AGPAT3: variants seen among roughly 807,000 people sequenced by gnomAD.
AGPAT3 encodes 1-acyl-sn-glycerol-3-phosphate acyltransferase gamma.
In AGPAT3, 5 loss-of-function variants were observed where a neutral mutation model predicts 47.3. The ratio of observed to expected loss-of-function variants is 0.11; its 90% CI spans 0.06 to 0.22. The LOEUF (loss-of-function observed/expected upper bound fraction) is 0.22. Ranked by LOEUF, AGPAT3 falls within the 10% of genes least tolerant of loss-of-function variation. The pLI, the probability that AGPAT3 is intolerant of heterozygous loss-of-function variation, is 1.00. For synonymous variants in AGPAT3, 212 were observed against 208.3 expected (o/e 1.02, Z -0.15); for missense variants, 315 against 493.0 (o/e 0.64, Z 3.42).
At position 43,981,082 on chromosome 21, in the gene AGPAT3, T is replaced by G. The variant is rs1443775906; in HGVS notation, c.937T>G (p.Ser313Ala). 2.5e-6 allele frequency: 4 copies of G among 1,614,218 alleles called. No individual in the cohort carries two copies. In the East Asian group the frequency reaches 6.7e-5, roughly 27 times the overall value. ...GCCGTGGACCCTCCTGAACTTCCTG[T>G]CCTGGGCCACCATTCTCCTGTCTCC... Reference protein sequence around the residue: ...RRPWTLLNFLSWATILLSPLF... With the variant: ...RRPWTLLNFLAWATILLSPLF... Residue 313 changes from serine to alanine, a missense_variant, in exon 9 of 10, where the codon TCC becomes GCC. Coordinates refer to ENST00000291572, the MANE Select transcript of AGPAT3 (RefSeq NM_020132.5). This position sits in a 1 kb window ranked among gnomAD's most constrained non-coding sequence, Gnocchi z 5.3.
chr21:43,940,808 C>T (rs1467788994), intron 2 of AGPAT3, among the ~76,000 whole-genome samples: 4 of 152,234 alleles, frequency 2.6e-5, no homozygotes, highest in Admixed American at 2.6e-4. Flanking sequence ...TGATCGCAGG[C>T]GATTTCCCAG....
At chr21:43,871,354 A>G (rs557681967) in intron 1 of AGPAT3, among the ~76,000 whole-genome samples, 3 of 152,366 alleles carry the variant, frequency 2.0e-5, no homozygotes, top group African/African-American at 4.8e-5. Context: ...ATAAGCATCA[A>G]TTGGAAAAAC....
rs1012331468 is a variant in AGPAT3, at chr21:43,934,171, C to T, written c.-48-25463C>T. Among the ~76,000 whole-genome samples, 17 of 152,154 alleles carry T rather than the reference C, an allele frequency of 1.1e-4. No homozygotes were observed. Among genetic ancestry groups the T allele is most frequent in the Non-Finnish European group, 2.1e-4 (14 of 68,022 alleles). ...CCCGGCACGCCAGCTCCCCGAGCACCAGCTCCCCTGCCGAGCACCAGCTCC... is the reference window on the plus strand; with the variant it reads ...CCCGGCACGCCAGCTCCCCGAGCACTAGCTCCCCTGCCGAGCACCAGCTCC... On this transcript the variant is annotated intron_variant, in intron 2 of 9. Transcript: ENST00000291572. The surrounding 1 kb of genome is among the most constrained non-coding windows in gnomAD (Gnocchi z 4.7).
chr21:43,912,464 C>T (rs902122220), intron 2 of AGPAT3, among the ~76,000 whole-genome samples: 4 of 152,240 alleles, frequency 2.6e-5, no homozygotes, highest in South Asian at 2.1e-4. Context: ...GTGGATTTTC[C>T]GTGCAGATGA....
Position 43,984,704 on chromosome 21 carries a change from G to C in AGPAT3, c.*2312G>C. 6.3e-6 allele frequency: 1 copy of C among 157,738 alleles called. No individual in the cohort carries two copies. The highest frequency in any genetic ancestry group is 2.4e-5 in the African/African-American group (1 of 41,042). The allele number at this position is 157,738 out of a possible 1,614,324, so 9.8% of individuals were successfully genotyped here. ...GAATTTTTTTTTTTTGGGGGGGGGA[G>C]GGTGGATTTTGCTTTTCATCCAGAA... On this transcript the variant is annotated 3_prime_UTR_variant, in exon 10 of 10. Transcript: ENST00000291572.
chr21:43,980,701 G>A (rs1415437523), intron 8 of AGPAT3, among the ~76,000 whole-genome samples: 2 of 152,218 alleles, frequency 1.3e-5, no homozygotes, highest in African/African-American at 2.4e-5. Flanking sequence ...TGCTGGGCAG[G>A]CAGGTGTTGG....
At chr21:43,956,501 T>G (rs1037980218) in intron 2 of AGPAT3, among the ~76,000 whole-genome samples, 2 of 152,216 alleles carry the variant, frequency 1.3e-5, no homozygotes, top group East Asian at 1.9e-4. Context: ...TGGAACAAGT[T>G]AAGCCCATAA....
rs900262257 is a variant in AGPAT3 at position 43,947,533 on chromosome 21, C to T, written c.-48-12101C>T. On this transcript the variant is annotated intron_variant, in intron 2 of 9. Coordinates refer to ENST00000291572, the MANE Select transcript of AGPAT3 (RefSeq NM_020132.5). ...TCCAAAGTCACTTCCATCTCGGGCC[C>T]GTCCAGTGTCTGTCGGGGCCTTGAT... 5.7e-4 allele frequency among the ~76,000 whole-genome samples: 87 copies of T among 152,290 alleles called. 2 individuals are homozygous for T. The highest frequency in any genetic ancestry group is 1.9e-3 in the African/African-American group (78 of 41,556).
chr21:43,905,185 ATTT>A (rs1318113809), intron 2 of AGPAT3, among the ~76,000 whole-genome samples: 1 of 148,712 alleles, frequency 6.7e-6, no homozygotes, highest in Non-Finnish European at 1.5e-5. Flanking sequence ...TTATTTATTT[ATTT>A]ATTTATTTAT....
intron 2 of AGPAT3, 113 bp from the exon 3 acceptor site, chr21:43,959,521 A>C: frequency 1.1e-6 from 1 of 901,172 alleles, no homozygotes; most frequent in South Asian, 1.5e-5. Context: ...GCTGTGCAGC[A>C]TGTGTGTATA....
chr21:43,951,713 G>A (rs926027414), intron 2 of AGPAT3, among the ~76,000 whole-genome samples: 1 of 152,176 alleles, frequency 6.6e-6, no homozygotes, highest in African/African-American at 2.4e-5. Flanking sequence ...GGCATGAAAG[G>A]CTCATGGATA....
intron 2 of AGPAT3, among the ~76,000 whole-genome samples, chr21:43,916,905 G>A (rs1312411491): frequency 1.3e-5 from 2 of 152,170 alleles, no homozygotes; most frequent in African/African-American, 4.8e-5. Context: ...GATAGCCGGG[G>A]AAGTTGGAGT....
intron 2 of AGPAT3, among the ~76,000 whole-genome samples, chr21:43,940,091 T>C (rs1350765897): frequency 4.6e-5 from 7 of 152,220 alleles, no homozygotes; most frequent in Non-Finnish European, 7.4e-5. Flanking sequence ...GCTGAGCAGA[T>C]GCTCTGGGTG....
chr21:43,934,705 GC>G lies in AGPAT3; in HGVS notation c.-48-24926del, dbSNP rs1429846328. ...AGCTGGGAGCACGAGGAGGCCACGT[GC>G]CCATGGTGGAGGAGCCACAGCACAA... On this transcript the variant is annotated intron_variant, in intron 2 of 9. Coordinates refer to ENST00000291572, the MANE Select transcript of AGPAT3 (RefSeq NM_020132.5). The surrounding 1 kb of genome is among the most constrained non-coding windows in gnomAD (Gnocchi z 4.7). Among the ~76,000 whole-genome samples, 2 of 152,082 alleles carry G rather than the reference GC, an allele frequency of 1.3e-5. No individual in the cohort carries two copies. Among genetic ancestry groups the G allele is most frequent in the Non-Finnish European group, 2.9e-5 (2 of 68,002 alleles).
chr21:43,884,771 G>A (rs1030705954), intron 1 of AGPAT3, among the ~76,000 whole-genome samples: 14 of 152,068 alleles, frequency 9.2e-5, no homozygotes, highest in Admixed American at 6.6e-4. Context: ...GGGTGGCCTG[G>A]TGCTGGGTAC....
rs1171818715 is a variant in AGPAT3 at position 43,954,835 on chromosome 21, G to A, written c.-48-4799G>A. ...GACGCCAGAGTTCCGGGGGCACTGAGTGCTGTGTGGCACCCGGGCCAGGAG... is the reference window on the plus strand; with the variant it reads ...GACGCCAGAGTTCCGGGGGCACTGAATGCTGTGTGGCACCCGGGCCAGGAG... On this transcript the variant is annotated intron_variant, in intron 2 of 9. Coordinates refer to ENST00000291572, the MANE Select transcript of AGPAT3 (RefSeq NM_020132.5). The surrounding 1 kb of genome is among the most constrained non-coding windows in gnomAD (Gnocchi z 4.0). The A allele has an allele frequency of 5.3e-6, 1 of 188,594 alleles. No homozygotes were observed. Among genetic ancestry groups the A allele is most frequent in the African/African-American group, 2.4e-5 (1 of 42,092 alleles). 11.7% of individuals were successfully genotyped at this position (188,594 alleles called of 1,614,324 possible). A position where few individuals can be genotyped will look rare whatever the true frequency, so the allele number is the denominator to read the frequency against.
Position 43,978,116 on chromosome 21 carries a change from G to A in AGPAT3, c.838G>A (p.Glu280Lys), listed in dbSNP as rs1403659355. ...TCAGTGGCTTCATAAACTGTACCAG[G>A]AGAAGGTAAGCAGGCTCTGCTCCCG... Reference protein sequence around the residue: ...AAQWLHKLYQEKDALQEIYNQ... With the variant: ...AAQWLHKLYQKKDALQEIYNQ... Residue 280 changes from glutamate (E) to lysine (K), a missense_variant, in exon 8 of 10, where the codon GAG becomes AAG. Glu to Lys is a moderately conservative substitution (Grantham distance 56). Transcript: ENST00000291572. 2 of 1,613,138 alleles carry A rather than the reference G, an allele frequency of 1.2e-6. No individual in the cohort carries two copies. Among genetic ancestry groups the A allele is most frequent in the Non-Finnish European group, 8.5e-7 (1 of 1,179,860 alleles).
In AGPAT3 at chr21:43,952,006, G is replaced by C. The variant is rs1038466364; in HGVS notation, c.-48-7628G>C. Among the ~76,000 whole-genome samples the C allele has an allele frequency of 6.6e-6, 1 of 152,192 alleles. No homozygotes were observed. The highest frequency in any genetic ancestry group is 2.4e-5 in the African/African-American group (1 of 41,438). ...GAAGAGGGTCACAGGGACCAGCGACGGGGAGGAGGGTCCACATGCTGCAGC... is the reference window on the plus strand; with the variant it reads ...GAAGAGGGTCACAGGGACCAGCGACCGGGAGGAGGGTCCACATGCTGCAGC... On this transcript the variant is annotated intron_variant, in intron 2 of 9. Coordinates refer to ENST00000291572, the MANE Select transcript of AGPAT3 (RefSeq NM_020132.5). This position sits in a 1 kb window ranked among gnomAD's most constrained non-coding sequence, Gnocchi z 5.6.
chr21:43,869,963 C>A (rs1289979941), intron 1 of AGPAT3, among the ~76,000 whole-genome samples: 1 of 152,218 alleles, frequency 6.6e-6, no homozygotes, highest in Admixed American at 6.5e-5. Context: ...ACCTTGGCCT[C>A]CCCAGTAACT....
Sources: gnomAD v4.1 joint callset for allele counts (sites outside exome capture counted in the v4.1 genomes callset) on GRCh38, gnomAD v4.1.1 for gene constraint, Gnocchi (gnomAD v3.1) non-coding constraint, MANE v1.5 for transcripts, NCBI Gene and HGNC (gene_info 2026-07-23, HGNC 2026-07-21) for gene names.